The following GSK3B variants were observed in gnomAD, a reference collection of about 807,000 sequenced individuals.
GSK3B encodes the protein glycogen synthase kinase 3 beta.
GSK3B carries 15 observed loss-of-function variants against 56.4 expected under a neutral mutation model. That is an observed-to-expected ratio of 0.27 (90% CI 0.18 to 0.41). The LOEUF (loss-of-function observed/expected upper bound fraction) is 0.41, where lower values mean the gene tolerates loss of function less well. GSK3B is among the 10% of genes least tolerant of loss of function. The pLI is 1.00. For missense variants in GSK3B, 300 were observed against 513.4 expected (o/e 0.58, Z 4.02); for synonymous variants, 181 against 188.9 (o/e 0.96, Z 0.34).
intron 4 of GSK3B, among the ~76,000 whole-genome samples, chr3:119,920,362 C>G (rs1450827904): frequency 1.3e-5 from 2 of 152,186 alleles, no homozygotes; most frequent in Non-Finnish European, 2.9e-5. Context: ...ACCTCAGCCT[C>G]CTGAGTAGCT....
chr3:119,961,212 G>C (rs1356972097), intron 2 of GSK3B, among the ~76,000 whole-genome samples: 3 of 152,114 alleles, frequency 2.0e-5, no homozygotes, highest in Non-Finnish European at 1.5e-5. Flanking sequence ...CTGATCAAGA[G>C]CCCTATCCTC....
In GSK3B at chr3:119,973,149, G is replaced by A. The variant is rs544169937; in HGVS notation, c.283-25798C>T. ...TTAATCATTATATTAACCCTAAGTAGTAAGCATTATTACTACTACTACTAC... is the reference window on the plus strand; with the variant it reads ...TTAATCATTATATTAACCCTAAGTAATAAGCATTATTACTACTACTACTAC... On this transcript the variant is annotated intron_variant, in intron 2 of 10. Coordinates refer to ENST00000264235, the MANE Select transcript of GSK3B (RefSeq NM_001146156.2). Among the ~76,000 whole-genome samples the A allele has an allele frequency of 3.3e-5, 5 of 152,248 alleles. No individual in the cohort carries two copies. In the South Asian group the frequency reaches 1.0e-3, roughly 32 times the overall value.
chr3:119,956,995 C>T (rs952485829), intron 2 of GSK3B, among the ~76,000 whole-genome samples: 2 of 152,152 alleles, frequency 1.3e-5, no homozygotes, highest in African/African-American at 4.8e-5. Context: ...TAAGAATTAA[C>T]GTGGCTGTTT....
At chr3:120,004,517 G>A (rs2057708977) in intron 1 of GSK3B, among the ~76,000 whole-genome samples, 1 of 152,102 alleles carries the variant, frequency 6.6e-6, no homozygotes, top group South Asian at 2.1e-4. Context: ...TCCCAGTAAT[G>A]GCCAACAGAC....
chr3:119,837,047 G>A (rs963941505), intron 10 of GSK3B, among the ~76,000 whole-genome samples: 1 of 152,184 alleles, frequency 6.6e-6, no homozygotes, highest in African/African-American at 2.4e-5. Flanking sequence ...ATTAACATTT[G>A]AAGGACTTTT....
At chr3:119,980,274 C>G (rs969606378) in intron 2 of GSK3B, among the ~76,000 whole-genome samples, 7 of 152,088 alleles carry the variant, frequency 4.6e-5, no homozygotes, top group African/African-American at 1.7e-4. Flanking sequence ...ATACTTTTCT[C>G]GGCCAAATAC....
intron 10 of GSK3B, among the ~76,000 whole-genome samples, chr3:119,840,036 C>A (rs2055749647): frequency 1.3e-5 from 2 of 152,012 alleles, no homozygotes; most frequent in Admixed American, 1.3e-4. Flanking sequence ...TGGAGCAGAT[C>A]CTGAAATGCT....
Position 119,930,748 on chromosome 3 carries a change from C to G in GSK3B, c.367-7265G>C, listed in dbSNP as rs180865058. Among the ~76,000 whole-genome samples the G allele has an allele frequency of 2.3e-3, 357 of 152,294 alleles. 1 individual carries two copies. Among genetic ancestry groups the G allele is most frequent in the African/African-American group, 7.8e-3 (324 of 41,572 alleles). ...CTCAAAAAGAAAAAACACTGAGATG[C>G]AACCAATAAAAAACATCATGCAACA... On this transcript the variant is annotated intron_variant, in intron 3 of 10. Transcript: ENST00000264235.
At chr3:119,930,504 G>A (rs1035304255) in intron 3 of GSK3B, among the ~76,000 whole-genome samples, 1 of 152,118 alleles carries the variant, frequency 6.6e-6, no homozygotes, top group African/African-American at 2.4e-5. Context: ...ACCTAAGATT[G>A]ACACAGACCT....
At chr3:119,945,351 TAAAG>T (rs1320183251) in intron 3 of GSK3B, among the ~76,000 whole-genome samples, 1 of 152,196 alleles carries the variant, frequency 6.6e-6, no homozygotes, top group Non-Finnish European at 1.5e-5. Flanking sequence ...AGTTCTGACA[TAAAG>T]AAAATATTAG....
chr3:119,824,909 G>C lies in GSK3B; in HGVS notation c.*1879C>G. 5.5e-6 allele frequency: 1 copy of C among 180,970 alleles called. No individual in the cohort carries two copies. The highest frequency in any genetic ancestry group is 1.2e-5 in the Non-Finnish European group (1 of 84,716). 11.2% of individuals were successfully genotyped at this position (180,970 alleles called of 1,614,324 possible). A position where few individuals can be genotyped will look rare whatever the true frequency, so the allele number is the denominator to read the frequency against. Reference sequence around the variant, plus strand: ...GAGTCACACACACAGTTAAGGAGCAGGACAGGGTGCTAGGGCCTGCAGGAG... The same window carrying C: ...GAGTCACACACACAGTTAAGGAGCACGACAGGGTGCTAGGGCCTGCAGGAG... On this transcript the variant is annotated 3_prime_UTR_variant, in exon 11 of 11. Transcript: ENST00000264235.
chr3:120,080,090 A>C (rs2058405453), intron 1 of GSK3B, among the ~76,000 whole-genome samples: 1 of 152,174 alleles, frequency 6.6e-6, no homozygotes, highest in South Asian at 2.1e-4. Context: ...CAGGAATTCG[A>C]GACCAGCCTG....
chr3:120,033,494 C>T (rs191021312), intron 1 of GSK3B, among the ~76,000 whole-genome samples: 2 of 152,290 alleles, frequency 1.3e-5, no homozygotes, highest in East Asian at 3.9e-4. Context: ...TATAATCTGA[C>T]TTTTTTATTC....
chr3:119,956,939 A>G (rs1454191189), intron 2 of GSK3B, among the ~76,000 whole-genome samples: 1 of 152,246 alleles, frequency 6.6e-6, no homozygotes, highest in Non-Finnish European at 1.5e-5. Flanking sequence ...GCAGTCAGAC[A>G]ATATTTATAA....
intron 10 of GSK3B, among the ~76,000 whole-genome samples, chr3:119,831,755 T>G (rs1037562949): frequency 6.6e-6 from 1 of 152,076 alleles, no homozygotes; most frequent in Non-Finnish European, 1.5e-5. Context: ...TACAGAGATA[T>G]AAGTGCTCTG....
At chr3:119,932,704 TAAAC>T (rs1188084602) in intron 3 of GSK3B, among the ~76,000 whole-genome samples, 1 of 151,618 alleles carries the variant, frequency 6.6e-6, no homozygotes, top group Non-Finnish European at 1.5e-5. Flanking sequence ...ATTTGGCAAA[TAAAC>T]AAATAAATAA....
intron 7 of GSK3B, among the ~76,000 whole-genome samples, chr3:119,897,652 A>C (rs575005037): frequency 4.4e-4 from 67 of 152,122 alleles, no homozygotes; most frequent in Non-Finnish European, 8.7e-4. Flanking sequence ...AAAAACTATT[A>C]AGAGCTGCTG....
intron 1 of GSK3B, among the ~76,000 whole-genome samples, chr3:120,076,813 CAAAAAAAAAA>C (rs202058386): frequency 6.6e-5 from 3 of 45,588 alleles, no homozygotes; most frequent in Non-Finnish European, 9.6e-5. Context: ...AACTCCGTCT[CAAAAAAAAAA>C]AAAAAAAAAA....
chr3:119,841,217 T>C lies in GSK3B; in HGVS notation c.1195+2038A>G, dbSNP rs115768573. Among the ~76,000 whole-genome samples, 607 of 152,354 alleles carry C rather than the reference T, an allele frequency of 4.0e-3. 2 individuals are homozygous for C. The highest frequency in any genetic ancestry group is 0.014 in the African/African-American group (570 of 41,584). ...AAAAATATACACATGTAAATTATTA[T>C]TATTTTTCAGTTTGCTGTAACCTGT... On this transcript the variant is annotated intron_variant, in intron 10 of 10. Coordinates refer to ENST00000264235, the MANE Select transcript of GSK3B (RefSeq NM_001146156.2).
Sources: allele counts gnomAD v4.1 joint callset (sites outside exome capture counted in the v4.1 genomes callset), GRCh38; gene constraint gnomAD v4.1.1; transcripts MANE v1.5; gene names NCBI Gene and HGNC (gene_info 2026-07-23, HGNC 2026-07-21).